Variants in SPOCK3 observed in about 807,000 individuals in gnomAD.
The protein encoded by SPOCK3 is SPARC (osteonectin), cwcv and kazal like domains proteoglycan 3, also known as testican-3.
Under a neutral mutation model 56.6 loss-of-function variants are expected in SPOCK3, and 30 were observed. That is an observed-to-expected ratio of 0.53 (90% CI 0.40 to 0.72). The LOEUF (loss-of-function observed/expected upper bound fraction) is 0.72, where lower values mean the gene tolerates loss of function less well. Among genes scored for constraint, SPOCK3 ranks in the 30% least tolerant of loss-of-function variants. The pLI is 0.00. For synonymous variants in SPOCK3, 196 were observed against 183.3 expected (o/e 1.07, Z -0.56); for missense variants, 527 against 530.0 (o/e 0.99, Z 0.06).
intron 2 of SPOCK3, among the ~76,000 whole-genome samples, chr4:167,106,630 GA>G (rs548354152): frequency 8.6e-5 from 12 of 140,284 alleles, no homozygotes; most frequent in East Asian, 2.1e-4. Context: ...ATTGGTAGAA[GA>G]AAAAAATAAT....
At chr4:166,846,023 T>C (rs1748023843) in intron 6 of SPOCK3, among the ~76,000 whole-genome samples, 1 of 152,140 alleles carries the variant, frequency 6.6e-6, no homozygotes. Context: ...TGGTAACTAT[T>C]TGTGCATCTA....
intron 2 of SPOCK3, among the ~76,000 whole-genome samples, chr4:167,101,690 A>G (rs1163807081): frequency 6.6e-6 from 1 of 150,460 alleles, no homozygotes; most frequent in Non-Finnish European, 1.5e-5. Flanking sequence ...ACTCACCAGT[A>G]TCTTCAATTC....
intron 6 of SPOCK3, among the ~76,000 whole-genome samples, chr4:166,873,091 A>T (rs1270251377): frequency 6.6e-6 from 1 of 152,040 alleles, no homozygotes; most frequent in Non-Finnish European, 1.5e-5. Flanking sequence ...TATACTTTCC[A>T]CTAGCCCTCA....
At chr4:167,053,285 A>G (rs532652622) in intron 3 of SPOCK3, among the ~76,000 whole-genome samples, 1 of 151,846 alleles carries the variant, frequency 6.6e-6, no homozygotes, top group African/African-American at 2.4e-5. Context: ...TCCTCTAGTT[A>G]TAAGTTTAGC....
intron 2 of SPOCK3, among the ~76,000 whole-genome samples, chr4:167,099,078 A>C (rs1042722989): frequency 1.3e-5 from 2 of 152,040 alleles, no homozygotes; most frequent in Admixed American, 6.6e-5. Context: ...GGATGTGTAG[A>C]ATCATTATGT....
intron 2 of SPOCK3, among the ~76,000 whole-genome samples, chr4:167,069,527 G>T (rs536286393): frequency 1.1e-4 from 17 of 151,964 alleles, no homozygotes; most frequent in African/African-American, 4.1e-4. Context: ...GGTTCGTAGC[G>T]GGCGGGTTTG....
At chr4:166,779,679 GAA>G (rs1739951175) in intron 7 of SPOCK3, among the ~76,000 whole-genome samples, 1 of 152,076 alleles carries the variant, frequency 6.6e-6, no homozygotes, top group Admixed American at 6.6e-5. Flanking sequence ...CCAGAAGAGA[GAA>G]GAGAGATAAT....
At chr4:166,781,424 AAACAGAGGAG>A (rs1740156757) in intron 7 of SPOCK3, among the ~76,000 whole-genome samples, 3 of 100,252 alleles carry the variant, frequency 3.0e-5, no homozygotes, top group Admixed American at 2.8e-4. Flanking sequence ...GAAGAAAATA[AAACAGAGGAG>A]GAGGAGGAGG....
intron 2 of SPOCK3, among the ~76,000 whole-genome samples, chr4:167,063,620 T>A (rs1432041876): frequency 6.6e-6 from 1 of 151,916 alleles, no homozygotes; most frequent in Non-Finnish European, 1.5e-5. Context: ...AGTGTAACCA[T>A]CACCTGAATA....
chr4:167,046,514 G>A (rs1189590176), intron 3 of SPOCK3, among the ~76,000 whole-genome samples: 1 of 132,200 alleles, frequency 7.6e-6, no homozygotes, highest in Non-Finnish European at 1.5e-5. Context: ...GGAGTGCAGT[G>A]GTACAATCTC....
intron 2 of SPOCK3, among the ~76,000 whole-genome samples, chr4:167,091,152 T>C (rs1354007358): frequency 2.0e-5 from 3 of 152,298 alleles, no homozygotes; most frequent in African/African-American, 4.8e-5. Context: ...CCCTAACAGC[T>C]AGCCCTGGAT....
At chr4:167,108,238 CAGTTGGGAGGTTCCTCAAAAAACTAA>C (rs1760344394) in intron 2 of SPOCK3, among the ~76,000 whole-genome samples, 1 of 152,002 alleles carries the variant, frequency 6.6e-6, no homozygotes, top group African/African-American at 2.4e-5. Context: ...CTATGGAGAA[CAGTTGGGAGGTTCCTCAAAAAACTAA>C]AAATTGAGCT....
At chr4:167,117,221 A>C (rs921622964) in intron 2 of SPOCK3, among the ~76,000 whole-genome samples, 4 of 152,076 alleles carry the variant, frequency 2.6e-5, no homozygotes, top group African/African-American at 4.8e-5. Flanking sequence ...CATATCCATA[A>C]AAATTTAAAA....
At chr4:167,138,699 AG>A (rs1426563171) in intron 2 of SPOCK3, among the ~76,000 whole-genome samples, 3 of 151,986 alleles carry the variant, frequency 2.0e-5, no homozygotes, top group Non-Finnish European at 4.4e-5. Flanking sequence ...CCCACTGATA[AG>A]AAAGAGTTGT....
chr4:166,988,389 G>A (rs1747396266), intron 4 of SPOCK3, among the ~76,000 whole-genome samples: 2 of 151,986 alleles, frequency 1.3e-5, no homozygotes, highest in African/African-American at 4.8e-5. Context: ...CAGAAGGGAA[G>A]ATAGCAATAT....
At chr4:167,073,704 C>G (rs537124519) in intron 2 of SPOCK3, among the ~76,000 whole-genome samples, 3 of 151,728 alleles carry the variant, frequency 2.0e-5, no homozygotes, top group Non-Finnish European at 4.4e-5. Context: ...TTTTAAGATG[C>G]TATTTTTAAT....
At chr4:167,042,120 G>A (rs979372342) in intron 3 of SPOCK3, among the ~76,000 whole-genome samples, 17 of 152,178 alleles carry the variant, frequency 1.1e-4, no homozygotes, top group African/African-American at 4.1e-4. Flanking sequence ...ATAACACAAT[G>A]TACAGTCATC....
At chr4:167,063,835 T>C (rs139948742) in intron 2 of SPOCK3, among the ~76,000 whole-genome samples, 121 of 152,022 alleles carry the variant, frequency 8.0e-4, no homozygotes, top group African/African-American at 2.8e-3. Context: ...CCACCCACGT[T>C]GAGGCAAAAG....
chr4:166,908,039 T>C (rs1736816338), intron 5 of SPOCK3, among the ~76,000 whole-genome samples: 1 of 151,968 alleles, frequency 6.6e-6, no homozygotes, highest in African/African-American at 2.4e-5. Flanking sequence ...CTAAAAAGTA[T>C]AACATACCAA....
Sources: allele counts gnomAD v4.1 joint callset (sites outside exome capture counted in the v4.1 genomes callset), GRCh38; gene constraint gnomAD v4.1.1; transcripts MANE v1.5; gene names NCBI Gene and HGNC (gene_info 2026-07-23, HGNC 2026-07-21).